Variants in GHR observed in about 807,000 individuals in gnomAD.
The protein encoded by GHR is growth hormone receptor.
In GHR, 35 loss-of-function variants were observed where a neutral mutation model predicts 67.1. That is an observed-to-expected ratio of 0.52 (90% CI 0.40 to 0.69). GHR has a LOEUF of 0.69. Ranked by LOEUF, GHR falls within the 30% of genes least tolerant of loss-of-function variation. The pLI, the probability that GHR is intolerant of heterozygous loss-of-function variation, is 0.00. For missense variants in GHR, 792 were observed against 764.6 expected (o/e 1.04, Z -0.42); for synonymous variants, 272 against 269.1 (o/e 1.01, Z -0.10).
intron 1 of GHR, among the ~76,000 whole-genome samples, chr5:42,527,528 T>C (rs1747762420): frequency 6.6e-6 from 1 of 152,210 alleles, no homozygotes; most frequent in African/African-American, 2.4e-5. Context: ...TAAATGTATA[T>C]GTACCCAACA....
chr5:42,514,077 T>C (rs9763260), intron 1 of GHR: 261,563 of 973,764 alleles, frequency 0.27, 36,516 homozygotes, highest in Middle Eastern at 0.3. Context: ...TTTTTTCTTC[T>C]AGTTAAAATG....
intron 1 of GHR, among the ~76,000 whole-genome samples, chr5:42,559,882 A>T (rs1749508049): frequency 6.6e-6 from 1 of 152,210 alleles, no homozygotes; most frequent in African/African-American, 2.4e-5. Flanking sequence ...GCCTGGTGCT[A>T]ATGAAAACCA....
chr5:42,463,870 G>A (rs1396573335), intron 1 of GHR, among the ~76,000 whole-genome samples: 1 of 148,646 alleles, frequency 6.7e-6, no homozygotes, highest in African/African-American at 2.5e-5. Context: ...GTGGGCGCCT[G>A]TAGTCCCAGC....
chr5:42,566,326 T>C (rs1749932814), intron 2 of GHR, among the ~76,000 whole-genome samples: 1 of 152,220 alleles, frequency 6.6e-6, no homozygotes, highest in South Asian at 2.1e-4. Context: ...TCTAATCTAT[T>C]TCCAGAGCTC....
At chr5:42,679,539 C>T (rs1756751757) in intron 3 of GHR, among the ~76,000 whole-genome samples, 1 of 151,964 alleles carries the variant, frequency 6.6e-6, no homozygotes, top group Middle Eastern at 3.4e-3. Flanking sequence ...GCAGGAGAAT[C>T]ACTTGAACCC....
chr5:42,526,539 A>T (rs1747712869), intron 1 of GHR, among the ~76,000 whole-genome samples: 1 of 152,240 alleles, frequency 6.6e-6, no homozygotes, highest in Non-Finnish European at 1.5e-5. Flanking sequence ...TTCTATTGGA[A>T]GAATACGTCA....
intron 2 of GHR, among the ~76,000 whole-genome samples, chr5:42,618,391 T>A (rs1288121615): frequency 6.6e-6 from 1 of 152,144 alleles, no homozygotes; most frequent in Non-Finnish European, 1.5e-5. Flanking sequence ...GTAAAATGTA[T>A]GCATTTTTCT....
At chr5:42,532,460 T>C (rs1748018010) in intron 1 of GHR, among the ~76,000 whole-genome samples, 1 of 152,146 alleles carries the variant, frequency 6.6e-6, no homozygotes, top group African/African-American at 2.4e-5. Context: ...GTAAACATTT[T>C]CCCCAAATCT....
chr5:42,713,060 A>G (rs1055285339), intron 7 of GHR, among the ~76,000 whole-genome samples: 3 of 152,052 alleles, frequency 2.0e-5, no homozygotes, highest in Admixed American at 1.3e-4. Flanking sequence ...AGTGGGCATT[A>G]TTTAGGTAGT....
chr5:42,609,046 T>G (rs1212156151), intron 2 of GHR, among the ~76,000 whole-genome samples: 3 of 152,278 alleles, frequency 2.0e-5, no homozygotes, highest in Admixed American at 1.3e-4. Context: ...GCAAAAATGA[T>G]GTAACCAGGA....
intron 1 of GHR, among the ~76,000 whole-genome samples, chr5:42,528,571 T>A (rs573353372): frequency 3.9e-5 from 6 of 152,192 alleles, no homozygotes; most frequent in African/African-American, 1.4e-4. Flanking sequence ...CTGGTGAAGA[T>A]GCCATGAACA....
At chr5:42,663,129 G>A (rs1755744118) in intron 3 of GHR, among the ~76,000 whole-genome samples, 1 of 152,142 alleles carries the variant, frequency 6.6e-6, no homozygotes, top group African/African-American at 2.4e-5. Flanking sequence ...AAGAGTCCAG[G>A]CCCAGATGGA....
At chr5:42,470,146 C>A (rs1306952862) in intron 1 of GHR, among the ~76,000 whole-genome samples, 2 of 100,478 alleles carry the variant, frequency 2.0e-5, no homozygotes, top group African/African-American at 9.2e-5. Context: ...CATTAATATA[C>A]TATATATTAT....
At chr5:42,537,910 G>C (rs1375365736) in intron 1 of GHR, among the ~76,000 whole-genome samples, 1 of 152,120 alleles carries the variant, frequency 6.6e-6, no homozygotes, top group Non-Finnish European at 1.5e-5. Flanking sequence ...ATTATATAGT[G>C]TCCCTGTTTG....
At chr5:42,512,805 T>C (rs547254663) in intron 1 of GHR, among the ~76,000 whole-genome samples, 1 of 139,700 alleles carries the variant, frequency 7.2e-6, no homozygotes, top group South Asian at 2.2e-4. Context: ...GTAACTTTTT[T>C]TTTTTTTTTA....
intron 1 of GHR, among the ~76,000 whole-genome samples, chr5:42,445,522 G>A (rs1743772695): frequency 6.6e-6 from 1 of 152,116 alleles, no homozygotes; most frequent in Non-Finnish European, 1.5e-5. Flanking sequence ...GGGCTCAGTG[G>A]TCTAGGAATT....
intron 1 of GHR, among the ~76,000 whole-genome samples, chr5:42,451,468 G>T (rs184302983): frequency 6.6e-5 from 10 of 151,408 alleles, no homozygotes; most frequent in African/African-American, 2.4e-4. Context: ...TAGACTGGCC[G>T]CAGTGGCTCA....
chr5:42,699,980 T>C lies in GHR; in HGVS notation c.596T>C (p.Val199Ala), dbSNP rs773036164. 11 of 1,596,464 alleles carry C rather than the reference T, an allele frequency of 6.9e-6. No individual in the cohort carries two copies. The South Asian group carries it at 9.9e-5, about 14-fold the overall frequency. ...GAGTATGAACTTCAATACAAAGAAG[T>C]AAATGAAACTAAATGGAAAATGGTA... The part of the protein sequence containing the change: ...VLEYELQYKE[V>A]NETKWKMMDP... The change falls in exon 6 of 10, where the codon GTA becomes GCA. Residue 199 changes from valine to alanine, a missense_variant. Val to Ala is a moderately conservative substitution (Grantham distance 64). Coordinates refer to ENST00000230882, the MANE Select transcript of GHR (RefSeq NM_000163.5).
At chr5:42,635,471 A>G (rs532740952) in intron 3 of GHR, among the ~76,000 whole-genome samples, 8 of 152,262 alleles carry the variant, frequency 5.3e-5, no homozygotes, top group Admixed American at 6.5e-5. Flanking sequence ...ATACAACTAT[A>G]TTAATAATTA....
Sources: allele counts gnomAD v4.1 joint callset (sites outside exome capture counted in the v4.1 genomes callset), GRCh38; gene constraint gnomAD v4.1.1; transcripts MANE v1.5; gene names NCBI Gene and HGNC (gene_info 2026-07-23, HGNC 2026-07-21).